Variants in CREB5 observed in about 807,000 individuals in gnomAD.
The protein encoded by CREB5 is cyclic AMP-responsive element-binding protein 5.
A neutral mutation model predicts 57.1 loss-of-function variants in CREB5; 19 were observed. The observed-to-expected ratio is 0.33, with a 90% CI of 0.23 to 0.49. The LOEUF (loss-of-function observed/expected upper bound fraction) is 0.49, where lower values mean the gene tolerates loss of function less well. Ranked by LOEUF, CREB5 falls within the 20% of genes least tolerant of loss-of-function variation. The pLI is 0.99. For missense variants in CREB5, 579 were observed against 671.6 expected (o/e 0.86, Z 1.52); for synonymous variants, 238 against 238.3 (o/e 1.00, Z 0.01).
At chr7:28,459,802 T>C (rs1183991690) in intron 1 of CREB5, among the ~76,000 whole-genome samples, 2 of 152,180 alleles carry the variant, frequency 1.3e-5, no homozygotes, top group Admixed American at 6.5e-5. Context: ...TTAATTAATG[T>C]TTACTGAGTG....
At chr7:28,401,885 T>C (rs1787472384) in intron 1 of CREB5, among the ~76,000 whole-genome samples, 1 of 152,228 alleles carries the variant, frequency 6.6e-6, no homozygotes, top group Non-Finnish European at 1.5e-5. Context: ...TGTGCTTGTG[T>C]CTTTATAGCA....
At chr7:28,447,990 TC>T (rs1789573269) in intron 1 of CREB5, among the ~76,000 whole-genome samples, 1 of 152,210 alleles carries the variant, frequency 6.6e-6, no homozygotes, top group South Asian at 2.1e-4. Context: ...AAAGTATTGA[TC>T]CTGGGTGTGT....
At chr7:28,495,783 T>C (rs554236982) in intron 3 of CREB5, among the ~76,000 whole-genome samples, 4 of 152,364 alleles carry the variant, frequency 2.6e-5, no homozygotes, top group African/African-American at 9.6e-5. Context: ...GAATGAGCTC[T>C]CTTTCTGGAT....
At chr7:28,660,510 G>A (rs1268832887) in intron 5 of CREB5, among the ~76,000 whole-genome samples, 1 of 150,656 alleles carries the variant, frequency 6.6e-6, no homozygotes, top group Non-Finnish European at 1.5e-5. Flanking sequence ...TTGGGGATGT[G>A]GAGAAAAATA....
At chr7:28,353,527 G>T (rs1786277823) in intron 1 of CREB5, among the ~76,000 whole-genome samples, 3 of 152,278 alleles carry the variant, frequency 2.0e-5, no homozygotes, top group East Asian at 1.9e-4. Flanking sequence ...AAGTGTTTCA[G>T]GGAAAGGAAG....
intron 1 of CREB5, among the ~76,000 whole-genome samples, chr7:28,306,854 C>A (rs1785202430): frequency 6.6e-6 from 1 of 152,112 alleles, no homozygotes; most frequent in Admixed American, 6.5e-5. Flanking sequence ...AGCCACCGCG[C>A]CCGGCCACAG....
chr7:28,754,532 C>G (rs941878536), intron 7 of CREB5, among the ~76,000 whole-genome samples: 1 of 152,198 alleles, frequency 6.6e-6, no homozygotes, highest in Non-Finnish European at 1.5e-5. Context: ...GGGGACCCCA[C>G]TGTGGTGTGC....
intron 1 of CREB5, among the ~76,000 whole-genome samples, chr7:28,303,732 TC>T (rs1448701024): frequency 6.6e-6 from 1 of 152,176 alleles, no homozygotes; most frequent in Admixed American, 6.5e-5. Flanking sequence ...ATGGATACAA[TC>T]CAAAATATAC....
At chr7:28,368,270 A>G (rs1262753142) in intron 1 of CREB5, among the ~76,000 whole-genome samples, 1 of 152,162 alleles carries the variant, frequency 6.6e-6, no homozygotes, top group Admixed American at 6.5e-5. Context: ...AAAATTACCT[A>G]CTGAGTACAA....
rs371704168 is a variant in CREB5 at position 28,591,330 on chromosome 7, A to G, written c.464+20793A>G. Among the ~76,000 whole-genome samples the G allele has an allele frequency of 5.5e-4, 84 of 152,240 alleles. No homozygotes were observed. In the South Asian group the frequency reaches 6.2e-3, roughly 11 times the overall value. The stretch of plus-strand genomic sequence containing the variant: ...TGAGAGGAGTCCTCTCTAGCTTCTC[A>G]TGTCCATTGCCCTCCATATTAAATC... On this transcript the variant is annotated intron_variant, in intron 5 of 10. Coordinates refer to ENST00000357727, the MANE Select transcript of CREB5 (RefSeq NM_182898.4).
intron 1 of CREB5, among the ~76,000 whole-genome samples, chr7:28,305,718 CTTTTTTT>C (rs112359198): frequency 2.2e-5 from 3 of 137,756 alleles, no homozygotes; most frequent in African/African-American, 7.9e-5. Context: ...TTTTTCTTTT[CTTTTTTT>C]TTTTTTTTAA....
chr7:28,670,288 G>A (rs1248358400), intron 5 of CREB5, among the ~76,000 whole-genome samples: 2 of 152,210 alleles, frequency 1.3e-5, no homozygotes, highest in Non-Finnish European at 2.9e-5. Flanking sequence ...CTATGTGAAG[G>A]TGGTTTCTCT....
intron 1 of CREB5, among the ~76,000 whole-genome samples, chr7:28,473,839 G>T (rs924599076): frequency 7.9e-5 from 12 of 152,158 alleles, no homozygotes; most frequent in Admixed American, 1.3e-4. Context: ...GTCACCTTTG[G>T]GTCCATGACC....
chr7:28,550,762 A>G (rs910284473), intron 4 of CREB5, among the ~76,000 whole-genome samples: 3 of 152,238 alleles, frequency 2.0e-5, no homozygotes, highest in Admixed American at 6.5e-5. Flanking sequence ...AACAAGTTAA[A>G]CACTGTAACA....
chr7:28,804,620 C>A, intron 8 of CREB5, 98 bp downstream of exon 8: 1 of 1,435,070 alleles, frequency 7.0e-7, no homozygotes, highest in Non-Finnish European at 9.6e-7. Context: ...GTTTGACAAG[C>A]CCAGGTGTTC....
At chr7:28,513,494 G>A (rs1276754986) in intron 4 of CREB5, 1 of 151,752 alleles carries the variant, frequency 6.6e-6, no homozygotes, top group African/African-American at 2.4e-5. Context: ...CATTGACAGT[G>A]ATATTGGAGA....
At chr7:28,585,119 C>G (rs143502945) in intron 5 of CREB5, among the ~76,000 whole-genome samples, 5 of 152,176 alleles carry the variant, frequency 3.3e-5, no homozygotes, top group Admixed American at 6.5e-5. Flanking sequence ...TCTTTAGCCT[C>G]GAATGTTCTG....
chr7:28,662,461 C>T (rs546962116), intron 5 of CREB5, among the ~76,000 whole-genome samples: 1 of 152,292 alleles, frequency 6.6e-6, no homozygotes, highest in Non-Finnish European at 1.5e-5. Context: ...CAGGAAATGG[C>T]GGTGGTTAAA....
intron 1 of CREB5, among the ~76,000 whole-genome samples, chr7:28,452,968 T>C (rs1789897790): frequency 6.6e-6 from 1 of 152,272 alleles, no homozygotes. Context: ...AGATCTCCCA[T>C]GAACAGAAAT....
Sources: gnomAD v4.1 joint callset for allele counts (sites outside exome capture counted in the v4.1 genomes callset) on GRCh38, gnomAD v4.1.1 for gene constraint, MANE v1.5 for transcripts, NCBI Gene and HGNC (gene_info 2026-07-23, HGNC 2026-07-21) for gene names.